SORBS3: variants seen among roughly 807,000 people sequenced by gnomAD.
SORBS3 encodes the protein sorbin and SH3 domain containing 3, also known as vinexin.
A neutral mutation model predicts 98.0 loss-of-function variants in SORBS3; 69 were observed. That is an observed-to-expected ratio of 0.70 (90% CI 0.58 to 0.86). SORBS3 has a LOEUF of 0.86. SORBS3 is among the 40% of genes least tolerant of loss of function. SORBS3 has a pLI of 0.00. For missense variants in SORBS3, 954 were observed against 908.5 expected (o/e 1.05, Z -0.64); for synonymous variants, 394 against 355.4 (o/e 1.11, Z -1.22).
chr8:22,554,501 C>A lies in SORBS3; in HGVS notation c.-6C>A. The A allele has an allele frequency of 6.2e-7, 1 of 1,609,582 alleles. No individual in the cohort carries two copies. On this transcript the variant is annotated 5_prime_UTR_variant, in exon 2 of 21. Transcript: ENST00000240123. This position sits in a 1 kb window ranked among gnomAD's most constrained non-coding sequence, Gnocchi z 6.5. Reference sequence around the variant, plus strand: ...TTGCCCGGAGTCCTCCCACCTTGACCCAAGCATGCAGGGCCCACCCCGCAG... The same window carrying A: ...TTGCCCGGAGTCCTCCCACCTTGACACAAGCATGCAGGGCCCACCCCGCAG...
intron 5 of SORBS3, 92 bp downstream of exon 5, chr8:22,558,284 C>T (rs1414081335): frequency 4.2e-6 from 5 of 1,199,774 alleles, no homozygotes; most frequent in Non-Finnish European, 6.2e-6. Flanking sequence ...GACTTAGCTG[C>T]TCAAGGGGTT....
Position 22,566,845 on chromosome 8 carries a change from T to G in SORBS3, c.1167T>G (p.Phe389Leu). 2 of 1,613,308 alleles carry G rather than the reference T, an allele frequency of 1.2e-6. No individual in the cohort carries two copies. Among genetic ancestry groups the G allele is most frequent in the Non-Finnish European group, 1.7e-6 (2 of 1,179,620 alleles). Residue 389 changes from phenylalanine to leucine, a missense_variant, in exon 15 of 21, where the codon TTT (phenylalanine) becomes TTG (leucine). Coordinates refer to ENST00000240123, the MANE Select transcript of SORBS3 (RefSeq NM_005775.5). ...EKKRKAARLK[F>L]DFQAQSPKEL... ...AGAGAAAGGCCGCCAGGCTCAAGTT[T>G]GACTTCCAGGCGCAGTCCCCCAAGT...
At chr8:22,549,968 G>C (rs1193145579), upstream of SORBS3, 1 of 985,296 alleles carries the variant, frequency 1.0e-6, no homozygotes. Context: ...AGGATTCCTG[G>C]AGTCGGAAGA....
chr8:22,550,822 G>C (rs542477188), upstream of SORBS3, among the ~76,000 whole-genome samples: 32 of 152,324 alleles, frequency 2.1e-4, 1 homozygote, highest in South Asian at 6.2e-3. Context: ...AGCTAAAGTT[G>C]ATCAGTAACT....
rs908762495 is a variant in SORBS3, at chr8:22,570,787, C to T, written c.1432-123C>T. ...CGTGTGACTCGGGTAAACTGCTGGCCCCCTGCGATTCCGACCCCTCGTGTG... is the reference window on the plus strand; with the variant it reads ...CGTGTGACTCGGGTAAACTGCTGGCTCCCTGCGATTCCGACCCCTCGTGTG... On this transcript the variant is annotated intron_variant, in intron 17 of 20. Transcript: ENST00000240123. 9.3e-5 allele frequency: 76 copies of T among 815,498 alleles called. 1 individual carries two copies. In the Middle Eastern group the frequency reaches 1.4e-3, roughly 15 times the overall value. 50.5% of individuals were successfully genotyped at this position (815,498 alleles called of 1,614,324 possible).
intron 17 of SORBS3, among the ~76,000 whole-genome samples, chr8:22,569,819 G>A (rs1373901742): frequency 6.6e-6 from 1 of 151,818 alleles, no homozygotes; most frequent in Non-Finnish European, 1.5e-5. Flanking sequence ...GCGATCCCCT[G>A]TCCCTGCCCC....
At chr8:22,561,977 C>A (rs764411524) in intron 7 of SORBS3, 46 bp downstream of exon 7, 2 of 1,579,124 alleles carry the variant, frequency 1.3e-6, no homozygotes, top group South Asian at 2.2e-5. Flanking sequence ...GGGCGCGGCC[C>A]GCGAGACACC....
At chr8:22,555,027 C>T in intron 3 of SORBS3, 47 bp downstream of exon 3, 1 of 1,515,486 alleles carries the variant, frequency 6.6e-7, no homozygotes, top group Non-Finnish European at 9.1e-7. Context: ...GGTCAGGGCC[C>T]TGCCATCTGG....
chr8:22,551,939 G>T lies in SORBS3; in HGVS notation c.-139G>T. ...GCTTCTCCTTGCCCTTCCTCCTCGA[G>T]CGCCCGCGCCAGGCAGCAGCCGGGC... On this transcript the variant is annotated 5_prime_UTR_variant, in exon 1 of 21. Transcript: ENST00000240123. The surrounding 1 kb of genome is among the most constrained non-coding windows in gnomAD (Gnocchi z 5.8). 1 of 985,348 alleles carries T rather than the reference G, an allele frequency of 1.0e-6. No homozygotes were observed. Among genetic ancestry groups the T allele is most frequent in the African/African-American group, 1.7e-5 (1 of 57,326 alleles). 61.0% of individuals were successfully genotyped at this position (985,348 alleles called of 1,614,324 possible).
Position 22,574,865 on chromosome 8 carries a change from T to A in SORBS3, c.*137T>A, listed in dbSNP as rs1383104780. 5.0e-6 allele frequency: 4 copies of A among 793,368 alleles called. No homozygotes were observed. In the African/African-American group the frequency reaches 7.3e-5, roughly 15 times the overall value. The allele number at this position is 793,368 out of a possible 1,614,324, so 49.1% of individuals were successfully genotyped here. ...GCATCTGCAGACGACCCCCGCAGCC[T>A]TTCCCTCGGACCCCCCTCGAAGCCC... On this transcript the variant is annotated 3_prime_UTR_variant, in exon 21 of 21. Transcript: ENST00000240123.
intron 16 of SORBS3, among the ~76,000 whole-genome samples, chr8:22,567,997 G>A (rs1156233847): frequency 1.3e-5 from 2 of 151,932 alleles, no homozygotes; most frequent in Admixed American, 6.6e-5. Flanking sequence ...ACAGGAATGC[G>A]CCACCACGCC....
chr8:22,566,168 C>T (rs969516769), intron 12 of SORBS3, 177 bp from the exon 13 acceptor site: 69 of 883,866 alleles, frequency 7.8e-5, no homozygotes, highest in Non-Finnish European at 1.0e-4. Context: ...CCGGGCCTCA[C>T]CCTTCCCCGC....
chr8:22,569,560 AG>A (rs1358181267), intron 17 of SORBS3, among the ~76,000 whole-genome samples: 3 of 152,134 alleles, frequency 2.0e-5, no homozygotes, highest in Non-Finnish European at 4.4e-5. Context: ...GGATGGTCTC[AG>A]TCTCTTGACC....
At chr8:22,553,613 G>T (rs766900501) in intron 1 of SORBS3, among the ~76,000 whole-genome samples, 3 of 152,224 alleles carry the variant, frequency 2.0e-5, no homozygotes, top group Non-Finnish European at 4.4e-5. Context: ...CTGTGGGCAG[G>T]CATGGTGCTG....
At chr8:22,557,608 C>A (rs1840209329) in intron 4 of SORBS3, among the ~76,000 whole-genome samples, 1 of 151,922 alleles carries the variant, frequency 6.6e-6, no homozygotes, top group Non-Finnish European at 1.5e-5. Context: ...GAGTTCCAGA[C>A]CAGCCTGGGC....
At chr8:22,547,327 CT>C (rs5890043), upstream of SORBS3, among the ~76,000 whole-genome samples, 163 of 146,772 alleles carry the variant, frequency 1.1e-3, 1 homozygote, top group African/African-American at 8.2e-4. Context: ...ATGGTCTTGC[CT>C]TTTTTTTTTT....
intron 5 of SORBS3, among the ~76,000 whole-genome samples, chr8:22,559,733 G>A (rs1840255636): frequency 6.6e-6 from 1 of 151,066 alleles, no homozygotes; most frequent in Non-Finnish European, 1.5e-5. Flanking sequence ...GAAAAGAGGT[G>A]TTCAGTTTTA....
At position 22,561,336 on chromosome 8, in the gene SORBS3, C is replaced by T; in HGVS notation, c.480C>T (p.Asp160=). The change falls in exon 6 of 21, where the codon GAC becomes GAT. Residue 160 remains aspartate, a splice_region_variant and synonymous_variant. Transcript: ENST00000240123. ...ACCTGGTCCCTTCTGCTCCTGCAGA[C>T]TTGCAGCTGGACTGGACCTTCGAGG... ...MFQQIHRKMP[D]LQLDWTFEEP... 6.2e-7 allele frequency: 1 copy of T among 1,600,430 alleles called. No homozygotes were observed. Among genetic ancestry groups the T allele is most frequent in the Non-Finnish European group, 8.5e-7 (1 of 1,171,882 alleles).
intron 17 of SORBS3, 93 bp from the exon 18 acceptor site, chr8:22,570,817 A>G (rs1049877787): frequency 8.8e-7 from 1 of 1,142,244 alleles, no homozygotes; most frequent in Non-Finnish European, 1.2e-6. Context: ...CGTGTGTCCA[A>G]GGTGTTAGGG....
Sources: allele counts gnomAD v4.1 joint callset (sites outside exome capture counted in the v4.1 genomes callset), GRCh38; gene constraint gnomAD v4.1.1; non-coding constraint Gnocchi (gnomAD v3.1); transcripts MANE v1.5; gene names NCBI Gene and HGNC (gene_info 2026-07-23, HGNC 2026-07-21).